PLAGL1: variants seen among roughly 807,000 people sequenced by gnomAD.
PLAGL1 encodes the protein PLAG1 like zinc finger 1.
In PLAGL1, 1 loss-of-function variant was observed where a neutral mutation model predicts 4.6. The ratio of observed to expected loss-of-function variants is 0.22; its 90% CI spans 0.08 to 1.03. PLAGL1 has a LOEUF of 1.03. Ranked by LOEUF, PLAGL1 falls within the 50% of genes least tolerant of loss-of-function variation. The pLI is 0.58. For missense variants in PLAGL1, 464 were observed against 570.4 expected (o/e 0.81, Z 1.90); for synonymous variants, 240 against 237.8 (o/e 1.01, Z -0.08).
chr6:144,042,527 G>A (rs1395817135), intron 1 of PLAGL1, among the ~76,000 whole-genome samples: 1 of 152,086 alleles, frequency 6.6e-6, no homozygotes, highest in Non-Finnish European at 1.5e-5. Context: ...TGTTCCACTG[G>A]TTTATATATC....
intron 1 of PLAGL1, among the ~76,000 whole-genome samples, chr6:143,987,437 CTTTTTTTTTTT>C (rs71024883): frequency 1.4e-5 from 1 of 73,940 alleles, no homozygotes; most frequent in Non-Finnish European, 2.4e-5. Flanking sequence ...ACCACACTGG[CTTTTTTTTTTT>C]TTTTTTTTTT....
chr6:144,027,230 C>CGAAAGAAAGAAAAA lies in PLAGL1; in HGVS notation c.-151+37237_-151+37238insTTTTTCTTTCTTTC, dbSNP rs761735778. Among the ~76,000 whole-genome samples, 665 of 99,160 alleles carry CGAAAGAAAGAAAAA rather than the reference C, an allele frequency of 6.7e-3. 28 individuals carry two copies. Among genetic ancestry groups the CGAAAGAAAGAAAAA allele is most frequent in the African/African-American group, 0.026 (633 of 24,162 alleles). The allele number at this position is 99,160 out of a possible 152,430, so 65.1% of individuals were successfully genotyped here. On this transcript the variant is annotated intron_variant, in intron 1 of 3. Coordinates refer to the PLAGL1 transcript ENST00000437412. The surrounding 1 kb of genome is among the most constrained non-coding windows in gnomAD (Gnocchi z 5.8). Reference sequence around the variant, plus strand: ...CAGAGAAAGACCCCAACTCAAAGAACGAACGAAAGAAAGAAAGAAAGAAAG... The same window carrying CGAAAGAAAGAAAAA: ...CAGAGAAAGACCCCAACTCAAAGAACGAAAGAAAGAAAAAGAACGAAAGAAAGAAAGAAAGAAAG...
intron 1 of PLAGL1, among the ~76,000 whole-genome samples, chr6:144,054,982 T>A (rs1007494712): frequency 6.6e-6 from 1 of 152,178 alleles, no homozygotes; most frequent in East Asian, 1.9e-4. Flanking sequence ...TGTTTGGACA[T>A]GTACAAATTA....
rs189913529 is a variant in PLAGL1, at chr6:144,021,517, T to C, written c.-151+42951A>G. Among the ~76,000 whole-genome samples, 501 of 152,304 alleles carry C rather than the reference T, an allele frequency of 3.3e-3. 1 individual carries two copies. Among genetic ancestry groups the C allele is most frequent in the South Asian group, 0.011 (52 of 4,824 alleles). On this transcript the variant is annotated intron_variant, in intron 1 of 3. Transcript: ENST00000437412. The stretch of plus-strand genomic sequence containing the variant: ...AGAAATGAGACCTGCTTTTTAATGA[T>C]GGAATAACTACATGGAGGAAGGATG...
In PLAGL1 at chr6:144,063,768, C is replaced by A. The variant is rs1799617096; in HGVS notation, c.-151+700G>T. 6.6e-6 allele frequency among the ~76,000 whole-genome samples: 1 copy of A among 152,194 alleles called. No homozygotes were observed. The highest frequency in any genetic ancestry group is 1.5e-5 in the Non-Finnish European group (1 of 68,026). On this transcript the variant is annotated intron_variant, in intron 1 of 3. Coordinates refer to the PLAGL1 transcript ENST00000437412. The surrounding 1 kb of genome is among the most constrained non-coding windows in gnomAD (Gnocchi z 5.7). ...CCTACAAACCCAACACGGCTGTGCA[C>A]CCGCCAAAGTGCCCACGCCCACCGT...
intron 1 of PLAGL1, among the ~76,000 whole-genome samples, chr6:144,028,470 G>A (rs1314845662): frequency 6.6e-6 from 1 of 152,186 alleles, no homozygotes. Context: ...TGGGAGGGGA[G>A]CAGGGAAAGG....
rs1221932465 is a variant in PLAGL1 at position 143,942,419 on chromosome 6, C to G, written c.397G>C (p.Glu133Gln). Residue 133 changes from glutamate to glutamine, a missense_variant, in exon 8 of 8, where the codon GAG (glutamate) becomes CAG (glutamine). Physicochemically the swap from Glu to Gln is conservative, Grantham distance 29 (BLOSUM62 2). Transcript: ENST00000674357. The surrounding 1 kb of genome is among the most constrained non-coding windows in gnomAD (Gnocchi z 7.6). ...GCTTTGAGGTGGTCCAGTAGCACCT[C>G]GGTGCTCCCTAGCTCCAGGGCACAG... ...GVCALELGST[E>Q]VLLDHLKAHA... 6.2e-7 allele frequency: 1 copy of G among 1,613,996 alleles called. No homozygotes were observed. The highest frequency in any genetic ancestry group is 1.3e-5 in the African/African-American group (1 of 74,914).
intron 1 of PLAGL1, among the ~76,000 whole-genome samples, chr6:144,018,382 G>T (rs1162455152): frequency 1.3e-5 from 2 of 152,196 alleles, no homozygotes; most frequent in African/African-American, 4.8e-5. Context: ...GCTGGCGGGG[G>T]TGAGAGGATG....
At chr6:144,032,460 T>C (rs1796905179) in intron 1 of PLAGL1, among the ~76,000 whole-genome samples, 1 of 152,022 alleles carries the variant, frequency 6.6e-6, no homozygotes, top group Non-Finnish European at 1.5e-5. Flanking sequence ...TTATCTGCCT[T>C]CTAATTTTTA....
chr6:144,058,338 G>A (rs962747766), intron 1 of PLAGL1, among the ~76,000 whole-genome samples: 8 of 152,100 alleles, frequency 5.3e-5, no homozygotes, highest in East Asian at 1.9e-4. Context: ...TGAGGGATCC[G>A]TCCCCATGAT....
chr6:144,054,776 A>T (rs986398389), intron 1 of PLAGL1, among the ~76,000 whole-genome samples: 2 of 142,184 alleles, frequency 1.4e-5, no homozygotes, highest in South Asian at 2.3e-4. Flanking sequence ...ACTAAAAAAG[A>T]GTGTGTGTGT....
At position 143,962,439 on chromosome 6, in the gene PLAGL1, C is replaced by G. The variant is rs2128558802; in HGVS notation, c.-398-1897G>C. ...AGTTCCAGAGTAACAAGAAGAATCA[C>G]ATTTTTGTGGGAGTGAAGACTGGCA... is the stretch of plus-strand genomic sequence containing the variant. On this transcript the variant is annotated intron_variant, in intron 5 of 7. Transcript: ENST00000674357. The surrounding 1 kb of genome is among the most constrained non-coding windows in gnomAD (Gnocchi z 5.3). 6.6e-6 allele frequency among the ~76,000 whole-genome samples: 1 copy of G among 152,266 alleles called. No homozygotes were observed. Among genetic ancestry groups the G allele is most frequent in the South Asian group, 2.1e-4 (1 of 4,828 alleles).
upstream of PLAGL1, among the ~76,000 whole-genome samples, chr6:144,010,769 G>A (rs545173081): frequency 3.9e-5 from 6 of 152,200 alleles, no homozygotes; most frequent in Non-Finnish European, 8.8e-5. This position sits in a 1 kb window ranked among gnomAD's most constrained non-coding sequence, Gnocchi z 4.1. Context: ...ATGGACCAAT[G>A]GAACAGAACA....
At chr6:144,046,412 G>A (rs930365815) in intron 1 of PLAGL1, among the ~76,000 whole-genome samples, 4 of 152,196 alleles carry the variant, frequency 2.6e-5, no homozygotes, top group Admixed American at 6.5e-5. Flanking sequence ...ATTCCTTTCT[G>A]TTTGTTAGTT....
In PLAGL1 at chr6:143,940,917, G is replaced by GTAAT. The variant is rs1356476994; in HGVS notation, c.*503_*506dup. The GTAAT allele has an allele frequency of 6.6e-6, 1 of 152,638 alleles. No individual in the cohort carries two copies. The highest frequency in any genetic ancestry group is 2.1e-4 in the South Asian group (1 of 4,834). The allele number at this position is 152,638 out of a possible 1,614,324, so 9.5% of individuals were successfully genotyped here. A position where few individuals can be genotyped will look rare whatever the true frequency, so the allele number is the denominator to read the frequency against. On this transcript the variant is annotated 3_prime_UTR_variant, in exon 8 of 8. Transcript: ENST00000674357. ...TATGTAAAACTACAGGTTGGCTATG[G>GTAAT]TAATAGTAACTAAACTACATCCAAC...
Position 144,036,751 on chromosome 6 carries a change from C to T in PLAGL1, c.-151+27717G>A. ...TACAGAACAGAAATTGTGCAACTTCCAGAAAACTGCTCTAAGACAAGCAAG... is the reference window on the plus strand; with the variant it reads ...TACAGAACAGAAATTGTGCAACTTCTAGAAAACTGCTCTAAGACAAGCAAG... On this transcript the variant is annotated intron_variant, in intron 1 of 3. Coordinates refer to the PLAGL1 transcript ENST00000437412. This position sits in a 1 kb window ranked among gnomAD's most constrained non-coding sequence, Gnocchi z 5.1. The T allele has an allele frequency of 3.1e-6, 1 of 324,592 alleles. No individual in the cohort carries two copies. Among genetic ancestry groups the T allele is most frequent in the Non-Finnish European group, 5.9e-6 (1 of 169,664 alleles). The allele number at this position is 324,592 out of a possible 1,614,324, so 20.1% of individuals were successfully genotyped here. A position where few individuals can be genotyped will look rare whatever the true frequency, so the allele number is the denominator to read the frequency against.
At chr6:144,045,002 T>TTTTTTC (rs1798027648) in intron 1 of PLAGL1, among the ~76,000 whole-genome samples, 1 of 135,272 alleles carries the variant, frequency 7.4e-6, no homozygotes, top group Non-Finnish European at 1.6e-5. Context: ...AACCCCTGCT[T>TTTTTTC]TTTTTTTTTT....
At position 143,941,673 on chromosome 6, in the gene PLAGL1, G is replaced by A. The variant is rs145386261; in HGVS notation, c.1143C>T (p.Ser381=). ...GCAGCTGCCAGAAGCCCAACAGGGG[G>A]GACAGGTCCAGAGAGGCAGGTATTG... ...NLTIPASLDL[S]PLLGFWQLPP... The change falls in exon 8 of 8, where the codon TCC becomes TCT. Residue 381 remains serine, a synonymous_variant. Coordinates refer to ENST00000674357, the MANE Select transcript of PLAGL1 (RefSeq NM_001317162.2). The surrounding 1 kb of genome is among the most constrained non-coding windows in gnomAD (Gnocchi z 6.0). 1.2e-6 allele frequency: 2 copies of A among 1,614,114 alleles called. No individual in the cohort carries two copies. Among genetic ancestry groups the A allele is most frequent in the African/African-American group, 2.7e-5 (2 of 74,946 alleles).
Position 143,948,133 on chromosome 6 carries a change from C to T in PLAGL1, c.4G>A (p.Ala2Thr). ...CCACATAACTGGCAGGGGAACGTGG[C>T]CATGGGCTTTGCTTCTCACACCTTC... M[A>T]TFPCQLCGKT... Residue 2 changes from alanine (A) to threonine (T), a missense_variant, in exon 7 of 8, where the codon GCC (alanine) becomes ACC (threonine). Coordinates refer to ENST00000674357, the MANE Select transcript of PLAGL1 (RefSeq NM_001317162.2). This position sits in a 1 kb window ranked among gnomAD's most constrained non-coding sequence, Gnocchi z 6.0. The T allele has an allele frequency of 6.2e-7, 1 of 1,613,132 alleles. No individual in the cohort carries two copies. Among genetic ancestry groups the T allele is most frequent in the Non-Finnish European group, 8.5e-7 (1 of 1,179,686 alleles).
Sources: gnomAD v4.1 joint callset for allele counts (sites outside exome capture counted in the v4.1 genomes callset) on GRCh38, gnomAD v4.1.1 for gene constraint, Gnocchi (gnomAD v3.1) non-coding constraint, MANE v1.5 for transcripts, NCBI Gene and HGNC (gene_info 2026-07-23, HGNC 2026-07-21) for gene names.